Variants in RANBP2 observed in about 807,000 individuals in gnomAD.
RANBP2 encodes RAN binding protein 2, also known as E3 SUMO-protein ligase RanBP2.
In RANBP2, 57 loss-of-function variants were observed where a neutral mutation model predicts 303.6. The ratio of observed to expected loss-of-function variants is 0.19; its 90% confidence interval spans 0.15 to 0.23. RANBP2 has a LOEUF of 0.23. RANBP2 is among the 10% of genes least tolerant of loss of function. RANBP2 has a pLI of 1.00. For missense variants in RANBP2, 3,138 were observed against 3,780.8 expected, an observed-to-expected ratio of 0.83 and a Z score of 4.46; for synonymous variants, 1,167 against 1,301.5, an observed-to-expected ratio of 0.90 and a Z score of 2.23.
the RANBP2 span, among the ~76,000 whole-genome samples, chr2:108,810,478 A>G: frequency 2.0e-5 from 3 of 152,088 alleles, no homozygotes; most frequent in Non-Finnish European, 4.4e-5. Flanking sequence ...TTTTATTTGC[A>G]TATTTGAGCC....
At chr2:109,006,232 C>T in the RANBP2 span, among the ~76,000 whole-genome samples, 31 of 152,078 alleles carry the variant, frequency 2.0e-4, no homozygotes, top group African/African-American at 7.5e-4. Flanking sequence ...CTCGCACTGT[C>T]GCCTAGGCTG....
the RANBP2 span, chr2:109,567,923 T>C: frequency 6.2e-7 from 1 of 1,614,050 alleles, no homozygotes. Flanking sequence ...TAAACTTCTG[T>C]AATTCAGTTT....
the RANBP2 span, among the ~76,000 whole-genome samples, chr2:109,456,586 G>T: frequency 6.6e-6 from 1 of 152,312 alleles, no homozygotes; most frequent in African/African-American, 2.4e-5. Flanking sequence ...GGCTTCTCTT[G>T]TTATCTGCGC....
At chr2:109,016,280 G>A in the RANBP2 span, among the ~76,000 whole-genome samples, 11 of 151,782 alleles carry the variant, frequency 7.2e-5, no homozygotes, top group Non-Finnish European at 1.3e-4. Flanking sequence ...AGTAGAGACA[G>A]GGTTTCACCG....
the RANBP2 span, among the ~76,000 whole-genome samples, chr2:109,011,886 A>G: frequency 6.6e-6 from 1 of 151,516 alleles, no homozygotes; most frequent in Non-Finnish European, 1.5e-5. Context: ...GTATGTGTGC[A>G]TGTGTGTGTG....
chr2:109,497,207 C>T, the RANBP2 span, among the ~76,000 whole-genome samples: 1 of 152,184 alleles, frequency 6.6e-6, no homozygotes, highest in Non-Finnish European at 1.5e-5. Context: ...AGTTTAGTGT[C>T]CAGGGTATAG....
intron 15 of RANBP2, among the ~76,000 whole-genome samples, chr2:108,754,463 A>C (rs1676143938): frequency 6.6e-6 from 1 of 150,672 alleles, no homozygotes; most frequent in Non-Finnish European, 1.5e-5. Context: ...AATTTGTGTT[A>C]CTACTCTTTT....
the RANBP2 span, chr2:109,615,114 G>GTGA: frequency 1.3e-6 from 2 of 1,549,806 alleles, no homozygotes; most frequent in Non-Finnish European, 1.7e-6. Flanking sequence ...CCGTGACCTG[G>GTGA]TGATGGGCAG....
the RANBP2 span, among the ~76,000 whole-genome samples, chr2:109,465,996 G>T: frequency 6.6e-6 from 1 of 151,710 alleles, no homozygotes; most frequent in East Asian, 1.9e-4. Context: ...ATGAGCTATG[G>T]TGGGGACACA....
chr2:109,642,731 A>G, the RANBP2 span, among the ~76,000 whole-genome samples: 1 of 152,174 alleles, frequency 6.6e-6, no homozygotes, highest in Non-Finnish European at 1.5e-5. Flanking sequence ...GTTATTGATT[A>G]CCACAGAAGG....
chr2:109,389,335 A>G, the RANBP2 span, among the ~76,000 whole-genome samples: 2 of 152,162 alleles, frequency 1.3e-5, no homozygotes, highest in East Asian at 3.9e-4. Context: ...TACTGGAGGC[A>G]ATGTCTGTCA....
At chr2:109,025,763 A>G in the RANBP2 span, among the ~76,000 whole-genome samples, 2 of 151,024 alleles carry the variant, frequency 1.3e-5, no homozygotes, top group Non-Finnish European at 2.9e-5. Flanking sequence ...ACGCCACTGC[A>G]CTCTAGCCTG....
At chr2:109,159,469 A>C in the RANBP2 span, among the ~76,000 whole-genome samples, 1 of 152,206 alleles carries the variant, frequency 6.6e-6, no homozygotes. Context: ...TGGGGGAAGA[A>C]TTGGCTTGTT....
chr2:109,703,658 AC>A, the RANBP2 span, among the ~76,000 whole-genome samples: 1 of 151,750 alleles, frequency 6.6e-6, no homozygotes, highest in African/African-American at 2.4e-5. Context: ...CAAACTCCTG[AC>A]CTCAGGTGAT....
At chr2:109,241,647 C>T in the RANBP2 span, among the ~76,000 whole-genome samples, 9 of 152,110 alleles carry the variant, frequency 5.9e-5, no homozygotes, top group Non-Finnish European at 1.0e-4. Context: ...TCTGTCTCCC[C>T]GCCTCGCCAT....
At chr2:109,570,526 G>C in the RANBP2 span, among the ~76,000 whole-genome samples, 2 of 118,388 alleles carry the variant, frequency 1.7e-5, no homozygotes, top group East Asian at 2.3e-4. Context: ...CATTGTATCA[G>C]GTTTTTTTTT....
the RANBP2 span, among the ~76,000 whole-genome samples, chr2:109,036,853 C>G: frequency 2.6e-5 from 4 of 152,022 alleles, no homozygotes; most frequent in Non-Finnish European, 5.9e-5. Context: ...TCAAAAAATA[C>G]AAAAATCAGG....
chr2:108,989,822 G>A, the RANBP2 span, among the ~76,000 whole-genome samples: 2 of 151,596 alleles, frequency 1.3e-5, no homozygotes, highest in Admixed American at 1.3e-4. Context: ...GATTGGGGGG[G>A]GGAAAACAGC....
the RANBP2 span, among the ~76,000 whole-genome samples, chr2:109,723,746 T>C: frequency 1.3e-5 from 2 of 152,206 alleles, no homozygotes; most frequent in Non-Finnish European, 2.9e-5. Flanking sequence ...TAGTTTCTTT[T>C]ACTGTGTAGA....
Sources: gnomAD v4.1 joint callset for allele counts (sites outside exome capture counted in the v4.1 genomes callset) on GRCh38, gnomAD v4.1.1 for gene constraint, MANE v1.5 for transcripts, NCBI Gene and HGNC (gene_info 2026-07-23, HGNC 2026-07-21) for gene names.